TBL1X: variants seen among roughly 807,000 people sequenced by gnomAD.
The protein encoded by TBL1X is F-box-like/WD repeat-containing protein TBL1X.
In TBL1X, 10 loss-of-function variants were observed where a neutral mutation model predicts 50.7. The ratio of observed to expected loss-of-function variants is 0.20; its 90% CI spans 0.12 to 0.33. TBL1X has a LOEUF of 0.33. Ranked by LOEUF, TBL1X falls within the 10% of genes least tolerant of loss-of-function variation. The probability of loss-of-function intolerance (pLI) is 1.00; values close to 1 mark genes in which losing one functional copy is unlikely to be tolerated. For missense variants in TBL1X, 340 were observed against 504.4 expected, an observed-to-expected ratio of 0.67 and a Z score of 3.12; for synonymous variants, 190 against 214.7, an observed-to-expected ratio of 0.88 and a Z score of 1.01.
At chrX:9,709,438 C>T (rs1453450856) in intron 14 of TBL1X, 116 bp downstream of exon 14, 2 of 969,716 alleles carry the variant, frequency 2.1e-6, no homozygotes, top group Non-Finnish European at 2.9e-6. Context: ...ACCCTCCCTT[C>T]CTCTGTCATC....
intron 2 of TBL1X, among the ~76,000 whole-genome samples, chrX:9,635,555 G>A (rs1366369520): frequency 8.9e-6 from 1 of 111,898 alleles, no homozygotes; most frequent in Admixed American, 9.5e-5. Context: ...GTGAGCATGT[G>A]CGGCCCTGCA....
intron 5 of TBL1X, among the ~76,000 whole-genome samples, chrX:9,670,945 G>C (rs890691563): frequency 1.8e-5 from 2 of 112,316 alleles, no homozygotes; most frequent in African/African-American, 6.5e-5. Flanking sequence ...GAAAACATTA[G>C]TTTCATCAAA....
At chrX:9,561,598 C>T (rs775896838) in intron 2 of TBL1X, among the ~76,000 whole-genome samples, 17 of 112,096 alleles carry the variant, frequency 1.5e-4, no homozygotes, top group African/African-American at 5.5e-4. Context: ...AGCAGCTCTT[C>T]CCGATGGCAT....
At chrX:9,595,740 C>T (rs753353052) in intron 2 of TBL1X, among the ~76,000 whole-genome samples, 4 of 112,027 alleles carry the variant, frequency 3.6e-5, no homozygotes, top group South Asian at 3.8e-4. Context: ...AACCAGCACC[C>T]GAATTGGTTT....
At chrX:9,544,291 C>T (rs2082230274) in intron 2 of TBL1X, among the ~76,000 whole-genome samples, 1 of 111,631 alleles carries the variant, frequency 9.0e-6, no homozygotes. Context: ...GTCTGGAAAG[C>T]GGGCTCCACT....
intron 1 of TBL1X, among the ~76,000 whole-genome samples, chrX:9,487,895 A>G (rs1462247019): frequency 4.5e-5 from 5 of 111,445 alleles, no homozygotes; most frequent in South Asian, 7.6e-4. Context: ...TGGGATTCCA[A>G]GCAGCAAGAC....
intron 2 of TBL1X, among the ~76,000 whole-genome samples, chrX:9,528,670 T>C (rs1218348641): frequency 5.0e-5 from 1 of 19,911 alleles, no homozygotes; most frequent in Non-Finnish European, 8.9e-5. Context: ...GATCAGAGTC[T>C]GGGGAGTGCA....
At chrX:9,583,305 C>T (rs1165235310) in intron 2 of TBL1X, among the ~76,000 whole-genome samples, 3 of 112,281 alleles carry the variant, frequency 2.7e-5, no homozygotes, top group African/African-American at 9.7e-5. Flanking sequence ...ACCCAGAATA[C>T]CTCATCTCAG....
chrX:9,639,846 G>A (rs1373342876), intron 2 of TBL1X: 3 of 112,027 alleles, frequency 2.7e-5, no homozygotes, highest in Non-Finnish European at 5.6e-5. Context: ...CTTCTCCCGA[G>A]GGTGTGCACA....
At chrX:9,605,983 G>A (rs1302548251) in intron 2 of TBL1X, among the ~76,000 whole-genome samples, 1 of 112,279 alleles carries the variant, frequency 8.9e-6, no homozygotes, top group East Asian at 2.8e-4. Flanking sequence ...AACTACAAAC[G>A]TTAATGATCT....
chrX:9,559,999 G>T (rs2082317494), intron 2 of TBL1X, among the ~76,000 whole-genome samples: 2 of 111,640 alleles, frequency 1.8e-5, no homozygotes, highest in African/African-American at 6.5e-5. Flanking sequence ...CCGGGAGCTA[G>T]GCTGCGTGTT....
intron 1 of TBL1X, among the ~76,000 whole-genome samples, chrX:9,467,693 G>T (rs1402968776): frequency 3.6e-5 from 4 of 110,564 alleles, no homozygotes; most frequent in Non-Finnish European, 7.6e-5. Flanking sequence ...CTGGACTCGA[G>T]TTTTTACCTC....
At chrX:9,708,113 A>G (rs2083220793) in intron 13 of TBL1X, among the ~76,000 whole-genome samples, 1 of 112,030 alleles carries the variant, frequency 8.9e-6, no homozygotes, top group African/African-American at 3.2e-5. Flanking sequence ...GGGAGCCCCA[A>G]GCTGGTACGC....
chrX:9,566,015 T>A (rs933253623), intron 2 of TBL1X, among the ~76,000 whole-genome samples: 3 of 112,046 alleles, frequency 2.7e-5, no homozygotes, highest in East Asian at 2.8e-4. Context: ...TTAAAAAAAA[T>A]TTTGTACATG....
intron 1 of TBL1X, among the ~76,000 whole-genome samples, chrX:9,473,996 T>C (rs1191515763): frequency 8.9e-6 from 1 of 112,434 alleles, no homozygotes; most frequent in Non-Finnish European, 1.9e-5. Flanking sequence ...TTTAAGCCAG[T>C]AGTCTCTAAA....
At chrX:9,646,546 G>A (rs1430468009) in intron 3 of TBL1X, among the ~76,000 whole-genome samples, 4 of 112,107 alleles carry the variant, frequency 3.6e-5, no homozygotes, top group African/African-American at 1.3e-4. Context: ...CTTGGAGAAA[G>A]AGGTGCCCTT....
chrX:9,519,329 C>T (rs2082096085), intron 2 of TBL1X, among the ~76,000 whole-genome samples: 1 of 111,384 alleles, frequency 9.0e-6, no homozygotes, highest in African/African-American at 3.3e-5. Flanking sequence ...TCACTGCAGC[C>T]TCGATCTCCT....
At chrX:9,636,827 C>T (rs960521883) in intron 2 of TBL1X, 3 of 111,951 alleles carry the variant, frequency 2.7e-5, no homozygotes, top group Non-Finnish European at 3.8e-5. Flanking sequence ...TCACAAAGCA[C>T]GATTGAAAAG....
Position 9,706,731 on chromosome X carries a change from A to T in TBL1X, c.1236+1617A>T, listed in dbSNP as rs113142660. ...TCTGCAATCTCCAGTCTGCTGGTAA[A>T]CCCATTTACTAGCCTCGACCTCCTG... is the stretch of plus-strand genomic sequence containing the variant. On this transcript the variant is annotated intron_variant, in intron 13 of 17. Transcript: ENST00000645353. Among the ~76,000 whole-genome samples the T allele has an allele frequency of 4.7e-3, 521 of 111,237 alleles. 5 individuals are homozygous for T. Among genetic ancestry groups the T allele is most frequent in the African/African-American group, 0.016 (495 of 30,587 alleles).
Sources: allele counts gnomAD v4.1 joint callset (sites outside exome capture counted in the v4.1 genomes callset), GRCh38; gene constraint gnomAD v4.1.1; transcripts MANE v1.5; gene names NCBI Gene and HGNC (gene_info 2026-07-23, HGNC 2026-07-21).